SPSB1: variants seen among roughly 807,000 people sequenced by gnomAD.
The protein encoded by SPSB1 is SPRY domain-containing SOCS box protein 1.
A neutral mutation model predicts 21.2 loss-of-function variants in SPSB1; 8 were observed. That is an observed-to-expected ratio of 0.38 (90% confidence interval 0.22 to 0.68). The LOEUF (loss-of-function observed/expected upper bound fraction) is 0.68. Ranked by LOEUF, SPSB1 falls within the 30% of genes least tolerant of loss-of-function variation. SPSB1 has a pLI of 0.53. For missense variants in SPSB1, 242 were observed against 377.8 expected, an observed-to-expected ratio of 0.64 and a Z score of 2.98; for synonymous variants, 169 against 161.7, an observed-to-expected ratio of 1.05 and a Z score of -0.34.
In SPSB1 at chr1:9,292,920, G is replaced by T. The variant is rs1240840468; in HGVS notation, c.-301G>T. 3.5e-5 allele frequency: 34 copies of T among 976,620 alleles called. No homozygotes were observed. Among genetic ancestry groups the T allele is most frequent in the Non-Finnish European group, 4.1e-5 (34 of 827,338 alleles). The allele number at this position is 976,620 out of a possible 1,614,324, so 60.5% of individuals were successfully genotyped here. A position where few individuals can be genotyped will look rare whatever the true frequency, so the allele number is the denominator to read the frequency against. ...CACAGAAGTCGCGCTCGGGCAGCCTGCGCGCTCGCAGCAGGAACCAGGCTC... is the reference window on the plus strand; with the variant it reads ...CACAGAAGTCGCGCTCGGGCAGCCTTCGCGCTCGCAGCAGGAACCAGGCTC... On this transcript the variant is annotated 5_prime_UTR_variant, in exon 1 of 3. Coordinates refer to ENST00000328089, the MANE Select transcript of SPSB1 (RefSeq NM_025106.4).
chr1:9,352,146 C>T (rs983712975), intron 1 of SPSB1, among the ~76,000 whole-genome samples: 1 of 152,166 alleles, frequency 6.6e-6, no homozygotes, highest in African/African-American at 2.4e-5. Flanking sequence ...GGAGCTCAGC[C>T]CAGCATTGGT....
At chr1:9,359,705 GAA>G (rs70979734) in intron 2 of SPSB1, among the ~76,000 whole-genome samples, 4 of 131,182 alleles carry the variant, frequency 3.0e-5, no homozygotes, top group African/African-American at 2.8e-5. Context: ...CCGTCTCTGG[GAA>G]AAAAAAAAAA....
chr1:9,324,125 T>G lies in SPSB1; in HGVS notation c.-150+31054T>G, dbSNP rs902853718. 6.6e-6 allele frequency among the ~76,000 whole-genome samples: 1 copy of G among 152,198 alleles called. No individual in the cohort carries two copies. Among genetic ancestry groups the G allele is most frequent in the Non-Finnish European group, 1.5e-5 (1 of 68,030 alleles). ...TTTCCTAGGTTTTTCAGTCCATATC[T>G]TTTTTTGTGTGCCAAAGTGGGGAAC... On this transcript the variant is annotated intron_variant, in intron 1 of 2. Coordinates refer to ENST00000328089, the MANE Select transcript of SPSB1 (RefSeq NM_025106.4). This position sits in a 1 kb window ranked among gnomAD's most constrained non-coding sequence, Gnocchi z 4.3.
rs181354584 is a variant in SPSB1, at chr1:9,348,798, G to A, written c.-149-6945G>A. ...TGCTTAGAGCCCAGGCTGCCACCGA[G>A]AAATCCAGTAGGGTCACGCGGCTCT... is the stretch of plus-strand genomic sequence containing the variant. On this transcript the variant is annotated intron_variant, in intron 1 of 2. Coordinates refer to ENST00000328089, the MANE Select transcript of SPSB1 (RefSeq NM_025106.4). The surrounding 1 kb of genome is among the most constrained non-coding windows in gnomAD (Gnocchi z 4.8). Among the ~76,000 whole-genome samples, 23 of 152,260 alleles carry A rather than the reference G, an allele frequency of 1.5e-4. No homozygotes were observed. Among genetic ancestry groups the A allele is most frequent in the Admixed American group, 4.6e-4 (7 of 15,308 alleles).
chr1:9,310,604 A>G (rs1639500794), intron 1 of SPSB1, among the ~76,000 whole-genome samples: 1 of 151,980 alleles, frequency 6.6e-6, no homozygotes, highest in Non-Finnish European at 1.5e-5. Context: ...CTGAGGCAGG[A>G]GGATCACTTG....
intron 1 of SPSB1, among the ~76,000 whole-genome samples, chr1:9,301,251 A>G (rs750145200): frequency 6.6e-6 from 1 of 152,176 alleles, no homozygotes; most frequent in Non-Finnish European, 1.5e-5. Context: ...GCACTTTGGG[A>G]GGCCAAGGTG....
intron 1 of SPSB1, among the ~76,000 whole-genome samples, chr1:9,323,924 AT>A (rs1476209671): frequency 6.6e-6 from 1 of 152,054 alleles, no homozygotes; most frequent in Non-Finnish European, 1.5e-5. Context: ...CCCATGGGAA[AT>A]TCAGGGGGTC....
intron 1 of SPSB1, among the ~76,000 whole-genome samples, chr1:9,319,634 G>A (rs1294046): frequency 0.6 from 91,570 of 152,048 alleles, 28,328 homozygotes; most frequent in Middle Eastern, 0.71. Flanking sequence ...TACCGGGCTG[G>A]TATTCCGTTC....
At chr1:9,329,721 AAG>A (rs1557454850) in intron 1 of SPSB1, among the ~76,000 whole-genome samples, 1 of 149,310 alleles carries the variant, frequency 6.7e-6, no homozygotes, top group Non-Finnish European at 1.5e-5. Context: ...AAAAAAAAAA[AAG>A]AGAAAAGAAA....
chr1:9,294,842 C>T (rs767689053), intron 1 of SPSB1, among the ~76,000 whole-genome samples: 47 of 152,108 alleles, frequency 3.1e-4, no homozygotes, highest in Non-Finnish European at 6.5e-4. Flanking sequence ...TCAGACCCCC[C>T]TCCCAGTGGT....
At chr1:9,338,440 G>A (rs1041359977) in intron 1 of SPSB1, among the ~76,000 whole-genome samples, 2 of 152,236 alleles carry the variant, frequency 1.3e-5, no homozygotes, top group East Asian at 3.9e-4. Flanking sequence ...CACTTGTGGG[G>A]GTCAGTGTAC....
chr1:9,323,246 T>C (rs947524634), intron 1 of SPSB1, among the ~76,000 whole-genome samples: 3 of 152,182 alleles, frequency 2.0e-5, no homozygotes, highest in African/African-American at 7.2e-5. Flanking sequence ...TTTGAGCGTC[T>C]GGATGAAACA....
intron 2 of SPSB1, among the ~76,000 whole-genome samples, chr1:9,360,645 C>T (rs1301838462): frequency 6.6e-6 from 1 of 152,202 alleles, no homozygotes; most frequent in African/African-American, 2.4e-5. Context: ...TGAGTCCCAG[C>T]CTCTGTTTCC....
At chr1:9,336,208 C>T (rs1640001870) in intron 1 of SPSB1, among the ~76,000 whole-genome samples, 1 of 152,138 alleles carries the variant, frequency 6.6e-6, no homozygotes, top group Non-Finnish European at 1.5e-5. Flanking sequence ...TTACTTAAAA[C>T]AAATTTTCTA....
At chr1:9,361,794 T>TG (rs768071229) in intron 2 of SPSB1, among the ~76,000 whole-genome samples, 6 of 152,110 alleles carry the variant, frequency 3.9e-5, no homozygotes, top group Non-Finnish European at 4.4e-5. Context: ...CATTGCTGAG[T>TG]GGGGAGACAC....
chr1:9,320,399 C>G (rs1031387763), intron 1 of SPSB1, among the ~76,000 whole-genome samples: 1 of 152,376 alleles, frequency 6.6e-6, no homozygotes, highest in South Asian at 2.1e-4. Context: ...TTTCCTCCCC[C>G]TGCCCTGCCC....
intron 1 of SPSB1, among the ~76,000 whole-genome samples, chr1:9,353,947 A>G (rs938328057): frequency 1.9e-4 from 28 of 149,644 alleles, no homozygotes; most frequent in Admixed American, 1.7e-3. Context: ...CCTGTGTCTC[A>G]CATCAGAAAG....
intron 1 of SPSB1, among the ~76,000 whole-genome samples, chr1:9,314,189 A>AC (rs1427328273): frequency 7.0e-4 from 104 of 147,888 alleles, no homozygotes; most frequent in African/African-American, 2.4e-3. Context: ...AAAAAAAAAC[A>AC]AAAAACAAAA....
intron 1 of SPSB1, among the ~76,000 whole-genome samples, chr1:9,339,718 C>T (rs972174023): frequency 1.3e-5 from 2 of 152,132 alleles, no homozygotes; most frequent in Admixed American, 6.5e-5. Flanking sequence ...GTCGCCCTGA[C>T]CTCTGTCTTC....
Sources: gnomAD v4.1 joint callset for allele counts (sites outside exome capture counted in the v4.1 genomes callset) on GRCh38, gnomAD v4.1.1 for gene constraint, Gnocchi (gnomAD v3.1) non-coding constraint, MANE v1.5 for transcripts, NCBI Gene and HGNC (gene_info 2026-07-23, HGNC 2026-07-21) for gene names.